Variants in MGAT4C observed in about 807,000 individuals in gnomAD.
MGAT4C encodes the protein MGAT4 family member C, also known as alpha-1,3-mannosyl-glycoprotein 4-beta-N-acetylglucosaminyltransferase C.
In MGAT4C, 19 loss-of-function variants were observed where a neutral mutation model predicts 40.1. The ratio of observed to expected loss-of-function variants is 0.47; its 90% CI spans 0.33 to 0.70. The LOEUF (loss-of-function observed/expected upper bound fraction) is 0.70, where lower values mean the gene tolerates loss of function less well. Among genes scored for constraint, MGAT4C ranks in the 30% least tolerant of loss-of-function variants. The pLI, the probability that MGAT4C is intolerant of heterozygous loss-of-function variation, is 0.02. For missense variants in MGAT4C, 491 were observed against 563.2 expected (o/e 0.87, Z 1.30); for synonymous variants, 181 against 187.1 (o/e 0.97, Z 0.27).
chr12:86,803,961 G>A (rs1235912769), intron 1 of MGAT4C, among the ~76,000 whole-genome samples: 2 of 136,730 alleles, frequency 1.5e-5, no homozygotes, highest in Admixed American at 1.5e-4. Flanking sequence ...AAAGACACAT[G>A]CACACGTATG....
In MGAT4C at chr12:85,987,218, G is replaced by A. The variant is rs1482580799; in HGVS notation, c.147+2182C>T. On this transcript the variant is annotated intron_variant, in intron 3 of 4. Coordinates refer to ENST00000611864, the MANE Select transcript of MGAT4C (RefSeq NM_001351288.2). ...GTGGCGGGATCTCGGCTCACTGCAAGCTCCGCCTCCCGGGTTCACGCCATT... is the reference window on the plus strand; with the variant it reads ...GTGGCGGGATCTCGGCTCACTGCAAACTCCGCCTCCCGGGTTCACGCCATT... 7.9e-5 allele frequency among the ~76,000 whole-genome samples: 10 copies of A among 126,888 alleles called. No individual in the cohort carries two copies. In the East Asian group the frequency reaches 2.8e-3, roughly 35 times the overall value. The allele number at this position is 126,888 out of a possible 152,430, so 83.2% of individuals were successfully genotyped here. A position where few individuals can be genotyped will look rare whatever the true frequency, so the allele number is the denominator to read the frequency against.
At chr12:86,588,887 G>A (rs1354892979) in intron 2 of MGAT4C, among the ~76,000 whole-genome samples, 2 of 151,244 alleles carry the variant, frequency 1.3e-5, no homozygotes, top group African/African-American at 4.9e-5. Context: ...AGAATCTCTG[G>A]GACACATTCA....
At chr12:86,567,412 A>G (rs1960179258) in intron 2 of MGAT4C, among the ~76,000 whole-genome samples, 1 of 152,188 alleles carries the variant, frequency 6.6e-6, no homozygotes, top group South Asian at 2.1e-4. Context: ...ATAGGCTAAG[A>G]AAAGAGTTAC....
chr12:86,112,403 A>C (rs1229369719), intron 1 of MGAT4C, among the ~76,000 whole-genome samples: 1 of 151,612 alleles, frequency 6.6e-6, no homozygotes. Flanking sequence ...AGACAGTTGG[A>C]AAATGCCATG....
chr12:86,071,335 A>G (rs1159645091), intron 1 of MGAT4C, among the ~76,000 whole-genome samples: 1 of 152,128 alleles, frequency 6.6e-6, no homozygotes, highest in African/African-American at 2.4e-5. Flanking sequence ...AGGATCAGAT[A>G]AGGCAGAAAG....
chr12:86,734,530 C>T (rs112664010), intron 1 of MGAT4C, among the ~76,000 whole-genome samples: 1 of 151,944 alleles, frequency 6.6e-6, no homozygotes. Flanking sequence ...GGAGGTAGAG[C>T]CTTTGATAAG....
intron 1 of MGAT4C, among the ~76,000 whole-genome samples, chr12:86,252,439 T>C (rs572732558): frequency 1.3e-5 from 2 of 152,118 alleles, no homozygotes; most frequent in South Asian, 2.1e-4. Context: ...CTAAAAACAA[T>C]TTATCTTCAA....
intron 2 of MGAT4C, among the ~76,000 whole-genome samples, chr12:86,660,438 A>G (rs1367385950): frequency 1.3e-5 from 2 of 152,220 alleles, no homozygotes; most frequent in African/African-American, 4.8e-5. Context: ...AATTCAATAC[A>G]TCAAATTAAA....
At chr12:86,771,245 T>A (rs948273004) in intron 1 of MGAT4C, among the ~76,000 whole-genome samples, 5 of 152,152 alleles carry the variant, frequency 3.3e-5, no homozygotes, top group African/African-American at 1.2e-4. Context: ...AAATTTCTGA[T>A]GTTTAAGCCA....
At chr12:86,257,948 A>T (rs1404109770), upstream of MGAT4C, among the ~76,000 whole-genome samples, 1 of 152,132 alleles carries the variant, frequency 6.6e-6, no homozygotes, top group East Asian at 1.9e-4. Context: ...ATAATAATAA[A>T]GATATGGGGA....
chr12:86,478,968 T>C (rs1397487296), intron 2 of MGAT4C, among the ~76,000 whole-genome samples: 1 of 152,096 alleles, frequency 6.6e-6, no homozygotes, highest in East Asian at 1.9e-4. Context: ...TTAAAATTTT[T>C]GTTTTGAAAT....
chr12:86,334,330 ATTGCTGTAGAAAC>A (rs1954739215), intron 3 of MGAT4C, among the ~76,000 whole-genome samples: 1 of 152,088 alleles, frequency 6.6e-6, no homozygotes, highest in Non-Finnish European at 1.5e-5. Flanking sequence ...CAATGAACTC[ATTGCTGTAGAAAC>A]TTAACTAAGG....
intron 2 of MGAT4C, among the ~76,000 whole-genome samples, chr12:86,709,480 A>C: frequency 6.6e-6 from 1 of 152,356 alleles, no homozygotes; most frequent in East Asian, 1.9e-4. Context: ...TCAAAGTATT[A>C]GAAAAAAATC....
chr12:86,665,443 C>G lies in MGAT4C; in HGVS notation c.-229+61766G>C, dbSNP rs945604200. Among the ~76,000 whole-genome samples, 4 of 151,660 alleles carry G rather than the reference C, an allele frequency of 2.6e-5. No individual in the cohort carries two copies. In the South Asian group the frequency reaches 8.3e-4, roughly 32 times the overall value. On this transcript the variant is annotated intron_variant, in intron 2 of 7. Coordinates refer to the MGAT4C transcript ENST00000548651. ...CTCGGCTGGAGTGCAGTGGCGTGATCTCGGCTCACTGCAAGTTCCGCTTCC... is the reference window on the plus strand; with the variant it reads ...CTCGGCTGGAGTGCAGTGGCGTGATGTCGGCTCACTGCAAGTTCCGCTTCC...
intron 2 of MGAT4C, among the ~76,000 whole-genome samples, chr12:86,008,967 A>G (rs1888181700): frequency 6.6e-6 from 1 of 152,090 alleles, no homozygotes; most frequent in South Asian, 2.1e-4. Context: ...AATTATTTTT[A>G]TATACTGTTG....
chr12:86,718,142 C>T (rs1056293930), intron 2 of MGAT4C, among the ~76,000 whole-genome samples: 13 of 152,092 alleles, frequency 8.5e-5, no homozygotes, highest in African/African-American at 2.4e-4. Context: ...ACAAAATTGC[C>T]GGGCTTTAAA....
chr12:86,130,939 T>G (rs1317531505), intron 1 of MGAT4C, among the ~76,000 whole-genome samples: 1 of 152,082 alleles, frequency 6.6e-6, no homozygotes, highest in Non-Finnish European at 1.5e-5. Flanking sequence ...TTATTATTAC[T>G]AGTACTATTT....
rs919612436 is a variant in MGAT4C at position 85,999,605 on chromosome 12, A to G, written c.-6-10053T>C. On this transcript the variant is annotated intron_variant, in intron 2 of 4. Transcript: ENST00000611864. ...TGTGTATATATATATATATATATAT[A>G]TATACATACACAATGGAATACTATT... Among the ~76,000 whole-genome samples the G allele has an allele frequency of 4.0e-4, 60 of 150,976 alleles. 1 individual carries two copies. The highest frequency in any genetic ancestry group is 1.1e-3 in the African/African-American group (46 of 41,110).
chr12:86,743,439 T>C lies in MGAT4C; in HGVS notation c.-261-16198A>G, dbSNP rs77141051. ...GTATCCCAGGGGAAAACCAGCTTTC[T>C]CCTGAAGAGATTATTTTACACTTGA... On this transcript the variant is annotated intron_variant, in intron 1 of 7. Coordinates refer to the MGAT4C transcript ENST00000548651. Among the ~76,000 whole-genome samples the C allele has an allele frequency of 0.02, 3,066 of 151,656 alleles. 216 individuals are homozygous for C. In the East Asian group the frequency reaches 0.25, roughly 12 times the overall value.
Sources: gnomAD v4.1 joint callset for allele counts (sites outside exome capture counted in the v4.1 genomes callset) on GRCh38, gnomAD v4.1.1 for gene constraint, MANE v1.5 for transcripts, NCBI Gene and HGNC (gene_info 2026-07-23, HGNC 2026-07-21) for gene names.